The following RALGAPA1 variants were observed in gnomAD, a reference collection of about 807,000 sequenced individuals.
RALGAPA1 encodes Ral GTPase activating protein catalytic subunit alpha 1.
In RALGAPA1, 52 loss-of-function variants were observed where a neutral mutation model predicts 269.6. The ratio of observed to expected loss-of-function variants is 0.19; its 90% confidence interval spans 0.15 to 0.24. The LOEUF (loss-of-function observed/expected upper bound fraction) is 0.24. Among genes scored for constraint, RALGAPA1 ranks in the 10% least tolerant of loss-of-function variants. RALGAPA1 has a pLI of 1.00. For synonymous variants in RALGAPA1, 817 were observed against 1,008.3 expected, an observed-to-expected ratio of 0.81 and a Z score of 3.60; for missense variants, 1,917 against 3,013.9, an observed-to-expected ratio of 0.64 and a Z score of 8.52.
chr14:35,775,900 C>T (rs1281207529), intron 1 of RALGAPA1, among the ~76,000 whole-genome samples, 155 bp from the exon 2 acceptor site: 1 of 152,090 alleles, frequency 6.6e-6, no homozygotes, highest in African/African-American at 2.4e-5. Flanking sequence ...TCTATATCCT[C>T]GTTCTTAAAA....
At chr14:35,645,588 A>G (rs1004261929) in intron 31 of RALGAPA1, among the ~76,000 whole-genome samples, 36 of 151,902 alleles carry the variant, frequency 2.4e-4, no homozygotes, top group African/African-American at 8.2e-4. Flanking sequence ...AAAATTAGCC[A>G]GGCGTGGTGG....
At chr14:35,557,094 A>ATG (rs1489416999) in intron 39 of RALGAPA1, among the ~76,000 whole-genome samples, 1 of 78,948 alleles carries the variant, frequency 1.3e-5, no homozygotes, top group Admixed American at 1.3e-4. Flanking sequence ...ATTATCCAAT[A>ATG]TGTATGTGTG....
chr14:35,762,614 T>A (rs895711935), intron 5 of RALGAPA1, 96 bp downstream of exon 5: 1 of 782,156 alleles, frequency 1.3e-6, no homozygotes, highest in Admixed American at 2.1e-5. Flanking sequence ...AATTCAGAGA[T>A]CTTTAGGAAA....
At position 35,808,850 on chromosome 14, in the gene RALGAPA1, T is replaced by C. The variant is rs747393959; in HGVS notation, c.-15A>G. The C allele has an allele frequency of 6.3e-7, 1 of 1,598,152 alleles. No homozygotes were observed. Among genetic ancestry groups the C allele is most frequent in the African/African-American group, 1.3e-5 (1 of 74,650 alleles). On this transcript the variant is annotated 5_prime_UTR_variant, in exon 1 of 42. Transcript: ENST00000680220. ...TTGGAGAACATCCTGTCGCTGCCAC[T>C]GCCACTGCCACTGCCACAGCCGGCT...
intron 30 of RALGAPA1, among the ~76,000 whole-genome samples, chr14:35,653,194 G>A (rs2140028073): frequency 6.6e-6 from 1 of 152,180 alleles, no homozygotes; most frequent in Non-Finnish European, 1.5e-5. Flanking sequence ...AATAAGGAGG[G>A]GAGATTGGGG....
intron 41 of RALGAPA1, chr14:35,542,366 A>G (rs2054089266): frequency 5.9e-6 from 1 of 168,568 alleles, no homozygotes; most frequent in Non-Finnish European, 1.3e-5. Flanking sequence ...TTTATCAGAG[A>G]GCATTGCTCT....
chr14:35,730,294 G>T (rs776208847), intron 12 of RALGAPA1, among the ~76,000 whole-genome samples: 2 of 152,164 alleles, frequency 1.3e-5, no homozygotes, highest in Non-Finnish European at 2.9e-5. Flanking sequence ...TCCTTTGGGA[G>T]GGTGGCCAGA....
In RALGAPA1 at chr14:35,688,610, G is replaced by A; in HGVS notation, c.3801C>T (p.Gly1267=). 3 of 1,535,338 alleles carry A rather than the reference G, an allele frequency of 2.0e-6. No individual in the cohort carries two copies. Among genetic ancestry groups the A allele is most frequent in the Non-Finnish European group, 2.6e-6 (3 of 1,146,760 alleles). ...CAGTTTTATAAACGCCACCCAGGGA[G>A]CCCTGCTGTAGTCCTGCCTCATGAC... ...SSSHEAGLQQ[G]SLGGVYKTVV... Residue 1267 remains glycine (G), a synonymous_variant, in exon 18 of 42, where the codon GGC becomes GGT. Transcript: ENST00000680220.
intron 37 of RALGAPA1, among the ~76,000 whole-genome samples, chr14:35,578,599 A>G (rs1324400586): frequency 2.0e-5 from 3 of 152,246 alleles, no homozygotes; most frequent in African/African-American, 7.2e-5. Context: ...ACAGCATCCA[A>G]TACTATGCCT....
chr14:35,701,059 A>G (rs1051793624), intron 16 of RALGAPA1, among the ~76,000 whole-genome samples: 3 of 152,198 alleles, frequency 2.0e-5, no homozygotes, highest in Admixed American at 1.3e-4. Context: ...AGAAAGCTTT[A>G]AACTGGATTA....
At chr14:35,594,386 T>C (rs1367032025) in intron 37 of RALGAPA1, among the ~76,000 whole-genome samples, 1 of 152,166 alleles carries the variant, frequency 6.6e-6, no homozygotes, top group Non-Finnish European at 1.5e-5. Context: ...AAGGGATTAA[T>C]ATCTAAAATT....
intron 1 of RALGAPA1, among the ~76,000 whole-genome samples, chr14:35,802,092 G>A (rs1567264802): frequency 6.6e-6 from 1 of 152,154 alleles, no homozygotes. Flanking sequence ...GGTGGCTCAC[G>A]AGGTCAGGAG....
Position 35,570,478 on chromosome 14 carries a change from T to C in RALGAPA1, c.7496+139A>G, listed in dbSNP as rs1018413023. 5.6e-6 allele frequency: 4 copies of C among 709,116 alleles called. No individual in the cohort carries two copies. In the East Asian group the frequency reaches 1.4e-4, roughly 24 times the overall value. The allele number at this position is 709,116 out of a possible 1,614,324, so 43.9% of individuals were successfully genotyped here. ...GAGTTTGAGACAATCCCGGGAAACATAATGATACTCCATTTCTACAAAAAA... is the reference window on the plus strand; with the variant it reads ...GAGTTTGAGACAATCCCGGGAAACACAATGATACTCCATTTCTACAAAAAA... On this transcript the variant is annotated intron_variant, in intron 39 of 41. Transcript: ENST00000680220.
chr14:35,572,409 A>G (rs1156355711), intron 38 of RALGAPA1, 151 bp downstream of exon 38: 5 of 518,172 alleles, frequency 9.6e-6, no homozygotes, highest in Non-Finnish European at 1.3e-5. Context: ...GGCTTAGGCA[A>G]TCCATGTAGC....
At chr14:35,793,616 T>A (rs2076354088) in intron 1 of RALGAPA1, among the ~76,000 whole-genome samples, 1 of 145,786 alleles carries the variant, frequency 6.9e-6, no homozygotes, top group Non-Finnish European at 1.5e-5. Context: ...ACACACACAG[T>A]GAATTTAGAA....
chr14:35,782,852 C>G (rs979548556), intron 1 of RALGAPA1, among the ~76,000 whole-genome samples: 1 of 151,400 alleles, frequency 6.6e-6, no homozygotes, highest in Non-Finnish European at 1.5e-5. Flanking sequence ...TAAATGGAGT[C>G]TCGCTGTTAC....
At chr14:35,659,278 A>T in intron 27 of RALGAPA1, 82 bp from the exon 28 acceptor site, 1 of 1,025,670 alleles carries the variant, frequency 9.7e-7, no homozygotes, top group South Asian at 1.5e-5. Context: ...GTGGTTATTA[A>T]AGCAGTCTTT....
chr14:35,803,635 C>CTT (rs202191951), intron 1 of RALGAPA1, among the ~76,000 whole-genome samples: 26 of 140,582 alleles, frequency 1.8e-4, no homozygotes, highest in African/African-American at 3.1e-4. Context: ...ATATAAAGAA[C>CTT]TTTTTTTTTT....
intron 28 of RALGAPA1, among the ~76,000 whole-genome samples, 200 bp from the exon 29 acceptor site, chr14:35,656,115 T>C (rs887450733): frequency 6.6e-6 from 1 of 152,182 alleles, no homozygotes; most frequent in Admixed American, 6.5e-5. Context: ...AATTTTCTAT[T>C]ATAATTTACT....
Sources: gnomAD v4.1 joint callset for allele counts (sites outside exome capture counted in the v4.1 genomes callset) on GRCh38, gnomAD v4.1.1 for gene constraint, MANE v1.5 for transcripts, NCBI Gene and HGNC (gene_info 2026-07-23, HGNC 2026-07-21) for gene names.